DGKG: variants seen among roughly 807,000 people sequenced by gnomAD.
DGKG encodes DAG kinase gamma.
Under a neutral mutation model 105.3 loss-of-function variants are expected in DGKG, and 78 were observed. The ratio of observed to expected loss-of-function variants is 0.74; its 90% confidence interval spans 0.62 to 0.89. DGKG has a LOEUF of 0.89. Ranked by LOEUF, DGKG falls within the 40% of genes least tolerant of loss-of-function variation. DGKG has a pLI of 0.00. For synonymous variants in DGKG, 346 were observed against 367.1 expected (o/e 0.94, Z 0.66); for missense variants, 958 against 1,020.1 (o/e 0.94, Z 0.83).
chr3:186,355,699 TCACCAG>T (rs1159281656), intron 1 of DGKG, among the ~76,000 whole-genome samples: 46 of 147,786 alleles, frequency 3.1e-4, no homozygotes, highest in African/African-American at 5.3e-4. Flanking sequence ...ATTATCACCA[TCACCAG>T]CACCAGCACC....
intron 20 of DGKG, among the ~76,000 whole-genome samples, chr3:186,234,688 G>A (rs1431117219): frequency 6.6e-6 from 1 of 152,170 alleles, no homozygotes; most frequent in Non-Finnish European, 1.5e-5. Context: ...TCTGGCCAGT[G>A]GGTAACCTTG....
In DGKG at chr3:186,257,858, G is replaced by A. The variant is rs1179787483; in HGVS notation, c.1506C>T (p.Cys502=). Residue 502 remains cysteine (C), a synonymous_variant, in exon 17 of 25, where the codon TGC becomes TGT. Coordinates refer to ENST00000265022, the MANE Select transcript of DGKG (RefSeq NM_001346.3). ...GDGTVGWILD[C]IDKANFAKHP... ...GCCCTCTCAGCCCATGCTTACCAATGCAATCCAAAATCCAGCCAACTGTCC... is the reference window on the plus strand; with the variant it reads ...GCCCTCTCAGCCCATGCTTACCAATACAATCCAAAATCCAGCCAACTGTCC... 2 of 1,612,916 alleles carry A rather than the reference G, an allele frequency of 1.2e-6. No homozygotes were observed. The highest frequency in any genetic ancestry group is 2.7e-5 in the African/African-American group (2 of 74,818).
chr3:186,306,831 A>G, intron 3 of DGKG, 70 bp downstream of exon 3: 1 of 1,107,712 alleles, frequency 9.0e-7, no homozygotes, highest in Non-Finnish European at 1.4e-6. Context: ...AGTCTCCAAG[A>G]GGGAAACAAA....
chr3:186,249,833 A>C (rs1211622002), intron 19 of DGKG, among the ~76,000 whole-genome samples: 1 of 123,158 alleles, frequency 8.1e-6, no homozygotes, highest in Non-Finnish European at 1.6e-5. Context: ...ACTCGTCTCA[A>C]AAACAAAACA....
intron 1 of DGKG, among the ~76,000 whole-genome samples, chr3:186,357,586 A>C (rs886847683): frequency 2.0e-5 from 3 of 152,202 alleles, no homozygotes; most frequent in Admixed American, 2.0e-4. Context: ...AGTGATGTGA[A>C]TATCAGGTGA....
intron 1 of DGKG, among the ~76,000 whole-genome samples, chr3:186,321,523 G>A (rs1198544145): frequency 1.3e-5 from 2 of 152,156 alleles, no homozygotes; most frequent in Non-Finnish European, 2.9e-5. Context: ...AGCATGGTTG[G>A]GAAGCCACCA....
chr3:186,256,008 T>A (rs1465261581), intron 17 of DGKG, among the ~76,000 whole-genome samples: 1 of 152,226 alleles, frequency 6.6e-6, no homozygotes, highest in Non-Finnish European at 1.5e-5. Flanking sequence ...CCTCTGCGGA[T>A]GAACTGCATA....
chr3:186,353,588 T>TAC (rs1726744991), intron 1 of DGKG, among the ~76,000 whole-genome samples: 1 of 133,562 alleles, frequency 7.5e-6, no homozygotes, highest in Non-Finnish European at 1.5e-5. Context: ...TATATATATA[T>TAC]ATACACACAC....
chr3:186,271,494 A>G (rs1196625277), intron 11 of DGKG, among the ~76,000 whole-genome samples: 3 of 152,154 alleles, frequency 2.0e-5, no homozygotes, highest in Non-Finnish European at 4.4e-5. Flanking sequence ...TCAGCGCAGT[A>G]CTGCCTTTTA....
chr3:186,243,882 T>C (rs111700896), intron 19 of DGKG, among the ~76,000 whole-genome samples: 147 of 144,592 alleles, frequency 1.0e-3, no homozygotes, highest in Admixed American at 1.6e-3. Flanking sequence ...ATTTCTTATA[T>C]GAAAATTTCT....
rs191522518 is a variant in DGKG, at chr3:186,149,719, C to T, written c.*371G>A. 2.5e-3 allele frequency: 2,507 copies of T among 1,017,946 alleles called. 4 individuals are homozygous for T. Among genetic ancestry groups the T allele is most frequent in the Middle Eastern group, 3.0e-3 (6 of 2,000 alleles). The allele number at this position is 1,017,946 out of a possible 1,614,324, so 63.1% of individuals were successfully genotyped here. The stretch of plus-strand genomic sequence containing the variant: ...CAGGAAACCTGCAGCCTGCTCCTCG[C>T]GAGCGTCCATGAGGAAACTTGCAGG... On this transcript the variant is annotated 3_prime_UTR_variant, in exon 25 of 25. Coordinates refer to ENST00000265022, the MANE Select transcript of DGKG (RefSeq NM_001346.3).
intron 2 of DGKG, among the ~76,000 whole-genome samples, chr3:186,318,968 C>T (rs939452713): frequency 2.0e-5 from 3 of 152,338 alleles, no homozygotes; most frequent in African/African-American, 2.4e-5. Flanking sequence ...CTCTGTGTCA[C>T]GAGCACATTT....
intron 10 of DGKG, among the ~76,000 whole-genome samples, chr3:186,274,544 C>T (rs1292956674): frequency 7.3e-5 from 8 of 109,600 alleles, no homozygotes; most frequent in Non-Finnish European, 1.4e-4. Flanking sequence ...CCCCTCCCCC[C>T]ACCCCACGAC....
In DGKG at chr3:186,302,646, A is replaced by ATATC. The variant is rs1560144019; in HGVS notation, c.144+4254_144+4255insGATA. On this transcript the variant is annotated intron_variant, in intron 3 of 24. Coordinates refer to ENST00000265022, the MANE Select transcript of DGKG (RefSeq NM_001346.3). ...CCTATATCTATATCTATATCTATATATCTATATATCTTGAGCCTCTTAAGT... is the reference window on the plus strand; with the variant it reads ...CCTATATCTATATCTATATCTATATATATCTCTATATATCTTGAGCCTCTTAAGT... 2.8e-3 allele frequency among the ~76,000 whole-genome samples: 407 copies of ATATC among 146,162 alleles called. 5 individuals are homozygous for ATATC. The highest frequency in any genetic ancestry group is 9.8e-3 in the African/African-American group (395 of 40,282).
At position 186,157,371 on chromosome 3, in the gene DGKG, A is replaced by C. The variant is rs567224573; in HGVS notation, c.2277+4232T>G. On this transcript the variant is annotated intron_variant, in intron 24 of 24. Coordinates refer to ENST00000265022, the MANE Select transcript of DGKG (RefSeq NM_001346.3). ...ACATTGTTCAATTCTACCTACCAAT[A>C]CTTTTAACTAGAATTCTTATGTCAT... 1.2e-4 allele frequency among the ~76,000 whole-genome samples: 19 copies of C among 152,256 alleles called. No individual in the cohort carries two copies. The South Asian group carries it at 3.9e-3, about 32-fold the overall frequency.
At chr3:186,357,454 A>G (rs1178561266) in intron 1 of DGKG, among the ~76,000 whole-genome samples, 1 of 152,184 alleles carries the variant, frequency 6.6e-6, no homozygotes, top group African/African-American at 2.4e-5. Context: ...AGGCTTTGAA[A>G]TCATATAGAC....
At chr3:186,275,517 G>C (rs1722536454) in intron 10 of DGKG, 30 bp downstream of exon 10, 3 of 1,574,288 alleles carry the variant, frequency 1.9e-6, no homozygotes, top group Non-Finnish European at 2.6e-6. Flanking sequence ...ATAGTGCCTG[G>C]GGGAAGAGGT....
intron 1 of DGKG, among the ~76,000 whole-genome samples, chr3:186,333,025 A>G (rs1188398739): frequency 6.6e-6 from 1 of 152,100 alleles, no homozygotes; most frequent in Non-Finnish European, 1.5e-5. Context: ...CAGTCCCTCA[A>G]CCTTGGACTT....
At chr3:186,315,159 GC>G (rs1242444754) in intron 2 of DGKG, among the ~76,000 whole-genome samples, 1 of 152,156 alleles carries the variant, frequency 6.6e-6, no homozygotes, top group East Asian at 1.9e-4. Flanking sequence ...CAAACTCTCT[GC>G]CCAGACAGTT....
Sources: allele counts gnomAD v4.1 joint callset (sites outside exome capture counted in the v4.1 genomes callset), GRCh38; gene constraint gnomAD v4.1.1; transcripts MANE v1.5; gene names NCBI Gene and HGNC (gene_info 2026-07-23, HGNC 2026-07-21).